Variants in ACAP1 observed in about 807,000 individuals in gnomAD.
ACAP1 encodes ArfGAP with coiled-coil, ankyrin repeat and PH domains 1.
ACAP1 carries 45 observed loss-of-function variants against 98.8 expected under a neutral mutation model. The ratio of observed to expected loss-of-function variants is 0.46; its 90% confidence interval spans 0.36 to 0.58. The LOEUF (loss-of-function observed/expected upper bound fraction) is 0.58, where lower values mean the gene tolerates loss of function less well. Among genes scored for constraint, ACAP1 ranks in the 20% least tolerant of loss-of-function variants. The pLI is 0.00. For missense variants in ACAP1, 735 were observed against 971.4 expected, an observed-to-expected ratio of 0.76 and a Z score of 3.24; for synonymous variants, 362 against 375.3, an observed-to-expected ratio of 0.96 and a Z score of 0.41.
intron 14 of ACAP1, 150 bp downstream of exon 14, chr17:7,347,392 C>G: frequency 1.2e-6 from 1 of 826,458 alleles, no homozygotes; most frequent in Non-Finnish European, 1.8e-6. Context: ...GGCCTGGGCC[C>G]AAGCCTCTGG....
In ACAP1 at chr17:7,344,661, C is replaced by T; in HGVS notation, c.854+13C>T. The stretch of plus-strand genomic sequence containing the variant: ...AGACCTGGAGCAGGTGAGGAGAGGA[C>T]ACCCCCAATCAGCCCGCCCCACCCA... On this transcript the variant is annotated intron_variant, in intron 10 of 21. Coordinates refer to ENST00000158762, the MANE Select transcript of ACAP1 (RefSeq NM_014716.4). This position sits in a 1 kb window ranked among gnomAD's most constrained non-coding sequence, Gnocchi z 4.9. 4 of 1,532,004 alleles carry T rather than the reference C, an allele frequency of 2.6e-6. No individual in the cohort carries two copies. Among genetic ancestry groups the T allele is most frequent in the Non-Finnish European group, 3.5e-6 (4 of 1,129,060 alleles). The allele number at this position is 1,532,004 out of a possible 1,614,324, so 94.9% of individuals were successfully genotyped here.
Position 7,342,067 on chromosome 17 carries a change from G to A in ACAP1, c.231G>A (p.Ala77=), listed in dbSNP as rs138474398. ...TGGGTCCACCAGAGCCCATGATGGC[G>A]GTATGCGGAGGGTCTGCATCTGGGA... ...ARLGPPEPMM[A]ECLEKFTVSL... The change falls in exon 3 of 22, where the codon GCG becomes GCA. Residue 77 remains alanine (A), a splice_region_variant and synonymous_variant. Transcript: ENST00000158762. The A allele has an allele frequency of 1.2e-4, 195 of 1,613,660 alleles. No homozygotes were observed. Among genetic ancestry groups the A allele is most frequent in the African/African-American group, 1.7e-4 (13 of 74,900 alleles).
chr17:7,339,958 C>T (rs1352341655), intron 2 of ACAP1, among the ~76,000 whole-genome samples: 1 of 152,114 alleles, frequency 6.6e-6, no homozygotes, highest in Non-Finnish European at 1.5e-5. Context: ...CCCCCTCCCC[C>T]CTCACTCAGA....
intron 2 of ACAP1, among the ~76,000 whole-genome samples, chr17:7,341,647 C>T (rs760229307): frequency 3.3e-5 from 5 of 152,116 alleles, no homozygotes; most frequent in Admixed American, 1.3e-4. Context: ...GAGATATGTG[C>T]GAGTGGACAG....
Position 7,347,168 on chromosome 17 carries a change from C to T in ACAP1, c.1269C>T (p.Cys423=). 6.2e-7 allele frequency: 1 copy of T among 1,614,134 alleles called. No homozygotes were observed. The highest frequency in any genetic ancestry group is 8.5e-7 in the Non-Finnish European group (1 of 1,179,990). The change falls in exon 14 of 22, where the codon TGC becomes TGT. Residue 423 remains cysteine, a synonymous_variant. Coordinates refer to ENST00000158762, the MANE Select transcript of ACAP1 (RefSeq NM_014716.4). The part of the protein sequence containing the change: ...SVDGNAQCCD[C]REPAPEWASI... ...ATGGCAATGCCCAGTGCTGCGACTG[C>T]CGGGAGCCAGCCCCGGAGTGGGCCA...
At chr17:7,347,683 T>A (rs1285757964) in intron 14 of ACAP1, 2 of 580,486 alleles carry the variant, frequency 3.4e-6, no homozygotes, top group African/African-American at 1.9e-5. Context: ...GTGGCTGGAG[T>A]GATGAGGGCC....
chr17:7,345,070 G>A (rs1042472404), intron 10 of ACAP1, among the ~76,000 whole-genome samples: 36 of 152,246 alleles, frequency 2.4e-4, no homozygotes, highest in South Asian at 2.1e-4. Context: ...AGTGAGGGAG[G>A]AGGATGTGCA....
rs549313700 is a variant in ACAP1 at position 7,344,554 on chromosome 17, G to A, written c.760G>A (p.Glu254Lys). The A allele has an allele frequency of 9.0e-6, 14 of 1,551,090 alleles. No homozygotes were observed. In the African/African-American group the frequency reaches 1.8e-4, roughly 20 times the overall value. The part of the protein sequence containing the change: ...LLKQKELGGE[E>K]PEPSLREGPG... ...GTGCCTCCAGGAGCTGGGTGGGGAG[G>A]AGCCAGAACCAAGCTTAAGAGAGGG... The change falls in exon 10 of 22, where the codon GAG becomes AAG. Residue 254 changes from glutamate to lysine, a missense_variant. Physicochemically the swap from Glu to Lys is moderately conservative, Grantham distance 56 (BLOSUM62 1). Coordinates refer to ENST00000158762, the MANE Select transcript of ACAP1 (RefSeq NM_014716.4). This position sits in a 1 kb window ranked among gnomAD's most constrained non-coding sequence, Gnocchi z 4.9.
chr17:7,346,845 C>A lies in ACAP1; in HGVS notation c.1045C>A (p.Gln349Lys). Residue 349 changes from glutamine to lysine, a missense_variant, in exon 13 of 22, where the codon CAG (glutamine) becomes AAG (lysine). By Grantham distance (53) the Gln-to-Lys change is moderately conservative. Coordinates refer to ENST00000158762, the MANE Select transcript of ACAP1 (RefSeq NM_014716.4). Reference protein sequence around the residue: ...LLQADSERLLQLWVSAVQSSI... With the variant: ...LLQADSERLLKLWVSAVQSSI... ...CCAGGCTGACTCAGAGCGCCTCCTG[C>A]AGCTGTGGGTCAGTGCTGTGCAGAG... is the stretch of plus-strand genomic sequence containing the variant. 6.2e-7 allele frequency: 1 copy of A among 1,613,450 alleles called. No homozygotes were observed. Among genetic ancestry groups the A allele is most frequent in the Non-Finnish European group, 8.5e-7 (1 of 1,179,460 alleles).
rs764899503 is a variant in ACAP1, at chr17:7,349,016, G to C, written c.1700G>C (p.Gly567Ala). The part of the protein sequence containing the change: ...SKPEPPSEDL[G>A]SLHPGALLFR... ...ACAGAGCCCCCCTCTGAGGACCTGG[G>C]AAGCCTGCACCCTGGGGCCCTACTG... The change falls in exon 18 of 22, where the codon GGA becomes GCA. Residue 567 changes from glycine to alanine, a missense_variant. This residue lies in a region of ACAP1 where 80 missense variants were observed against 64.4 expected (regional missense o/e 1.24). Transcript: ENST00000158762. 3 of 1,613,446 alleles carry C rather than the reference G, an allele frequency of 1.9e-6. No individual in the cohort carries two copies. In the South Asian group the frequency reaches 3.3e-5, roughly 18 times the overall value.
At chr17:7,351,045 C>A (rs1162168102) in intron 21 of ACAP1, 46 bp downstream of exon 21, 3 of 1,577,682 alleles carry the variant, frequency 1.9e-6, no homozygotes, top group Admixed American at 1.7e-5. Flanking sequence ...CACCTGAACT[C>A]TGGGCTTCTG....
In ACAP1 at chr17:7,347,735, A is replaced by G. The variant is rs892095103; in HGVS notation, c.1344-187A>G. 3.0e-5 allele frequency: 18 copies of G among 603,076 alleles called. No individual in the cohort carries two copies. The African/African-American group carries it at 3.3e-4, about 11-fold the overall frequency. 37.4% of individuals were successfully genotyped at this position (603,076 alleles called of 1,614,324 possible). A position where few individuals can be genotyped will look rare whatever the true frequency, so the allele number is the denominator to read the frequency against. ...GGAAGAAGGAATGGTGACGAGGCAG[A>G]GTCCTGCCAGGGCCAGGTCAAGGCT... On this transcript the variant is annotated intron_variant, in intron 14 of 21. Coordinates refer to ENST00000158762, the MANE Select transcript of ACAP1 (RefSeq NM_014716.4).
rs1478005351 is a variant in ACAP1 at position 7,347,924 on chromosome 17, G to A, written c.1346G>A (p.Ser449Asn). 8 of 1,614,164 alleles carry A rather than the reference G, an allele frequency of 5.0e-6. No homozygotes were observed. In the South Asian group the frequency reaches 8.8e-5, roughly 18 times the overall value. ...ACCCTCCCCCTCTGGCCCTCCAGGA[G>A]CCTTGGTGTTCACTTCTCCAAAGTC... The part of the protein sequence containing the change: ...LCIQCSGIHR[S>N]LGVHFSKVRS... The change falls in exon 15 of 22, where the codon AGC becomes AAC. Residue 449 changes from serine (S) to asparagine (N), a missense_variant and splice_region_variant. Transcript: ENST00000158762.
Position 7,344,438 on chromosome 17 carries a change from A to C in ACAP1, c.745-101A>C. On this transcript the variant is annotated intron_variant, in intron 9 of 21. Coordinates refer to ENST00000158762, the MANE Select transcript of ACAP1 (RefSeq NM_014716.4). The surrounding 1 kb of genome is among the most constrained non-coding windows in gnomAD (Gnocchi z 4.9). ...AAAATAAATTTTAAAAAGTATTTCAAAAAGCAGAAAGTAAGGGCTAGGGCT... is the reference window on the plus strand; with the variant it reads ...AAAATAAATTTTAAAAAGTATTTCACAAAGCAGAAAGTAAGGGCTAGGGCT... 1.1e-6 allele frequency: 1 copy of C among 882,470 alleles called. No homozygotes were observed. Among genetic ancestry groups the C allele is most frequent in the Non-Finnish European group, 1.8e-6 (1 of 571,008 alleles). The allele number at this position is 882,470 out of a possible 1,614,324, so 54.7% of individuals were successfully genotyped here.
At position 7,344,628 on chromosome 17, in the gene ACAP1, C is replaced by T. The variant is rs780515268; in HGVS notation, c.834C>T (p.Asn278=). The T allele has an allele frequency of 3.0e-5, 47 of 1,551,300 alleles. No individual in the cohort carries two copies. The highest frequency in any genetic ancestry group is 9.6e-5 in the African/African-American group (7 of 72,964). Residue 278 remains asparagine (N), a synonymous_variant, in exon 10 of 22, where the codon AAC becomes AAT. Coordinates refer to ENST00000158762, the MANE Select transcript of ACAP1 (RefSeq NM_014716.4). The surrounding 1 kb of genome is among the most constrained non-coding windows in gnomAD (Gnocchi z 4.9). ...MEGHLFKRAS[N]AFKTWSRRWF... is the part of the protein sequence containing the mutation. The stretch of plus-strand genomic sequence containing the variant: ...GACATCTCTTCAAACGGGCCAGCAA[C>T]GCATTTAAGACCTGGAGCAGGTGAG...
chr17:7,337,160 G>C, intron 1 of ACAP1, 152 bp from the exon 2 acceptor site: 1 of 742,492 alleles, frequency 1.3e-6, no homozygotes, highest in Non-Finnish European at 2.4e-6. Flanking sequence ...AGACTGCAGA[G>C]CGGGCAGAGC....
intron 18 of ACAP1, chr17:7,349,379 C>A (rs1238023872): frequency 1.0e-5 from 4 of 388,666 alleles, no homozygotes; most frequent in East Asian, 4.5e-5. Context: ...TTACAGGAGA[C>A]TTTTTTTTTT....
intron 2 of ACAP1, among the ~76,000 whole-genome samples, chr17:7,339,150 T>C (rs1363483745): frequency 1.3e-5 from 2 of 151,078 alleles, no homozygotes; most frequent in South Asian, 2.1e-4. Flanking sequence ...ATTATTCGGG[T>C]GTGGCGGCAG....
chr17:7,338,831 G>A (rs988752049), intron 2 of ACAP1, among the ~76,000 whole-genome samples: 1 of 151,386 alleles, frequency 6.6e-6, no homozygotes, highest in Non-Finnish European at 1.5e-5. Flanking sequence ...ACAGGTGTGA[G>A]CCACCACACC....
Sources: gnomAD v4.1 joint callset for allele counts (sites outside exome capture counted in the v4.1 genomes callset) on GRCh38, gnomAD v4.1.1 for gene constraint, gnomAD v4.1.1 regional missense constraint, Gnocchi (gnomAD v3.1) non-coding constraint, MANE v1.5 for transcripts, NCBI Gene and HGNC (gene_info 2026-07-23, HGNC 2026-07-21) for gene names.